COA1: variants seen among roughly 807,000 people sequenced by gnomAD.
The protein encoded by COA1 is cytochrome c oxidase assembly factor 1, also known as cytochrome c oxidase assembly factor 1 homolog.
A neutral mutation model predicts 16.0 loss-of-function variants in COA1; 13 were observed. That is an observed-to-expected ratio of 0.81 (90% CI 0.53 to 1.29). The LOEUF (loss-of-function observed/expected upper bound fraction) is 1.29. COA1 is among the 50% of genes most tolerant of loss of function. The pLI is 0.00. For synonymous variants in COA1, 65 were observed against 65.7 expected (o/e 0.99, Z 0.05); for missense variants, 179 against 177.0 (o/e 1.01, Z -0.06).
downstream of COA1, among the ~76,000 whole-genome samples, chr7:43,637,249 T>C (rs142526087): frequency 1.2e-3 from 180 of 152,266 alleles, no homozygotes; most frequent in African/African-American, 4.2e-3. Flanking sequence ...TATAATACTC[T>C]CTACAACCCC....
intron 6 of COA1, chr7:43,624,647 T>C (rs575931198): frequency 1.9e-6 from 3 of 1,614,102 alleles, no homozygotes; most frequent in East Asian, 4.5e-5. Flanking sequence ...ATTCTGTGCC[T>C]GAAATTAATT....
At chr7:43,628,183 G>T (rs1160716340) in intron 6 of COA1, among the ~76,000 whole-genome samples, 1 of 152,034 alleles carries the variant, frequency 6.6e-6, no homozygotes, top group Non-Finnish European at 1.5e-5. Flanking sequence ...GTAGACATGG[G>T]GTTGCACCAT....
At chr7:43,646,997 T>C (rs2089506414) in intron 3 of COA1, 1 of 172,706 alleles carries the variant, frequency 5.8e-6, no homozygotes, top group South Asian at 1.2e-4. Flanking sequence ...TGGCCTGTCT[T>C]TACAAATTCA....
chr7:43,644,822 A>AGAGAGAGAGC (rs2088746067), intron 4 of COA1, among the ~76,000 whole-genome samples: 1 of 147,946 alleles, frequency 6.8e-6, no homozygotes, highest in Non-Finnish European at 1.5e-5. Context: ...AGAGAGAGAG[A>AGAGAGAGAGC]GAGAGAGAGA....
intron 1 of COA1, among the ~76,000 whole-genome samples, chr7:43,722,858 G>T (rs1227863206): frequency 1.3e-5 from 2 of 152,186 alleles, no homozygotes; most frequent in African/African-American, 4.8e-5. Context: ...GAACATCTAA[G>T]TCCATCTGGG....
chr7:43,652,853 G>T (rs554726226), intron 1 of COA1, among the ~76,000 whole-genome samples: 1 of 105,558 alleles, frequency 9.5e-6, no homozygotes, highest in Non-Finnish European at 1.8e-5. Flanking sequence ...TTTAAAAATC[G>T]AACCGTTGTC....
At chr7:43,640,900 G>A in intron 4 of COA1, 1 of 399,428 alleles carries the variant, frequency 2.5e-6, no homozygotes, top group Non-Finnish European at 4.4e-6. Flanking sequence ...TCAATGCTCT[G>A]GGTACTTCCA....
chr7:43,667,161 G>T, intron 1 of COA1, among the ~76,000 whole-genome samples: 1 of 152,120 alleles, frequency 6.6e-6, no homozygotes. Flanking sequence ...TTTGCCTTTT[G>T]AGTCATCATT....
chr7:43,626,829 A>C (rs919041745), intron 6 of COA1: 5 of 152,176 alleles, frequency 3.3e-5, no homozygotes, highest in Non-Finnish European at 5.9e-5. Flanking sequence ...TTAGCTGGCC[A>C]CTTCAGTTTG....
intron 1 of COA1, among the ~76,000 whole-genome samples, chr7:43,721,396 A>G (rs993680641): frequency 6.6e-6 from 1 of 152,198 alleles, no homozygotes; most frequent in African/African-American, 2.4e-5. Flanking sequence ...ATATAGCACA[A>G]CACTGCCACC....
downstream of COA1, among the ~76,000 whole-genome samples, chr7:43,638,587 T>C (rs1237474318): frequency 1.2e-5 from 1 of 81,726 alleles, no homozygotes. Context: ...TTTTTTTTTT[T>C]TTTCTGAGAC....
At chr7:43,709,366 A>C (rs2095127790) in intron 1 of COA1, among the ~76,000 whole-genome samples, 1 of 151,822 alleles carries the variant, frequency 6.6e-6, no homozygotes, top group Non-Finnish European at 1.5e-5. Context: ...TCACAGGTAG[A>C]TCTACAATCC....
chr7:43,642,571 TA>T (rs944403324), intron 4 of COA1, among the ~76,000 whole-genome samples: 6 of 151,814 alleles, frequency 4.0e-5, no homozygotes, highest in Non-Finnish European at 5.9e-5. Context: ...CTGGATGCTT[TA>T]AAAAAAAATT....
intron 1 of COA1, among the ~76,000 whole-genome samples, chr7:43,660,350 T>C (rs12674266): frequency 1.3e-5 from 2 of 152,088 alleles, no homozygotes; most frequent in South Asian, 4.2e-4. Context: ...CCACACCAGG[T>C]CTCCCCTTCC....
chr7:43,670,128 G>A (rs1352121139), intron 1 of COA1, among the ~76,000 whole-genome samples: 1 of 152,076 alleles, frequency 6.6e-6, no homozygotes, highest in East Asian at 1.9e-4. Context: ...ATATTTTAAA[G>A]GTTTATGCAT....
Position 43,645,394 on chromosome 7 carries a change from G to A in COA1, c.121C>T (p.His41Tyr). The A allele has an allele frequency of 2.5e-6, 4 of 1,613,934 alleles. No homozygotes were observed. The South Asian group carries it at 3.3e-5, about 13-fold the overall frequency. ...AIVYYLIQKFHSRALYYKLAV... is the reference protein window; with the variant it reads ...AIVYYLIQKFYSRALYYKLAV... ...AACTTGTAATATAAAGCCCTGGAAT[G>A]AAACTCTAAGGACGAAAGACACACT... The change falls in exon 4 of 6, where the codon CAT becomes TAT. Residue 41 changes from histidine (H) to tyrosine (Y), a missense_variant. Physicochemically the swap from His to Tyr is moderately conservative, Grantham distance 83. Coordinates refer to ENST00000223336, the MANE Select transcript of COA1 (RefSeq NM_018224.4).
At chr7:43,676,909 T>C (rs919216473) in intron 1 of COA1, among the ~76,000 whole-genome samples, 3 of 151,954 alleles carry the variant, frequency 2.0e-5, no homozygotes, top group Non-Finnish European at 4.4e-5. Flanking sequence ...AAGAATTGTG[T>C]AAGAAAGCTC....
intron 6 of COA1, among the ~76,000 whole-genome samples, chr7:43,626,983 T>C (rs1211251477): frequency 6.6e-6 from 1 of 152,198 alleles, no homozygotes; most frequent in Non-Finnish European, 1.5e-5. Context: ...CTTCATAGTA[T>C]TAGGCCAAAT....
At chr7:43,670,829 T>C (rs866348670) in intron 1 of COA1, among the ~76,000 whole-genome samples, 2 of 152,388 alleles carry the variant, frequency 1.3e-5, no homozygotes, top group Middle Eastern at 3.4e-3. Flanking sequence ...CTCTCTTGTT[T>C]ACTGCCATAA....
Sources: allele counts gnomAD v4.1 joint callset (sites outside exome capture counted in the v4.1 genomes callset), GRCh38; gene constraint gnomAD v4.1.1; transcripts MANE v1.5; gene names NCBI Gene and HGNC (gene_info 2026-07-23, HGNC 2026-07-21).